Variants in ASB2 observed in about 807,000 individuals in gnomAD.
The protein encoded by ASB2 is ankyrin repeat and SOCS box protein 2.
ASB2 carries 58 observed loss-of-function variants against 62.4 expected under a neutral mutation model. The observed-to-expected ratio is 0.93, with a 90% CI of 0.75 to 1.16. The LOEUF (loss-of-function observed/expected upper bound fraction) is 1.16, where lower values mean the gene tolerates loss of function less well. Among genes scored for constraint, ASB2 ranks in the 50% most tolerant of loss-of-function variants. The pLI is 0.00. For synonymous variants in ASB2, 386 were observed against 385.3 expected, an observed-to-expected ratio of 1.00 and a Z score of -0.02; for missense variants, 928 against 887.9, an observed-to-expected ratio of 1.05 and a Z score of -0.57.
intron 6 of ASB2, 127 bp from the exon 7 acceptor site, chr14:93,947,647 C>G: frequency 1.1e-6 from 1 of 902,612 alleles, no homozygotes; most frequent in Non-Finnish European, 1.7e-6. Flanking sequence ...AACAACGACC[C>G]TTAGGAAGGA....
chr14:93,969,605 A>G (rs1322735991), intron 1 of ASB2, among the ~76,000 whole-genome samples: 1 of 152,158 alleles, frequency 6.6e-6, no homozygotes, highest in Non-Finnish European at 1.5e-5. Flanking sequence ...CAGCAGCCTC[A>G]AGGGACACTC....
chr14:93,967,466 C>T (rs988135080), intron 1 of ASB2, among the ~76,000 whole-genome samples: 1 of 152,340 alleles, frequency 6.6e-6, no homozygotes, highest in Middle Eastern at 3.4e-3. Context: ...CATCCTGGTG[C>T]CACCATCTAA....
intron 3 of ASB2, among the ~76,000 whole-genome samples, chr14:93,955,966 C>T (rs780441390): frequency 2.6e-5 from 4 of 152,172 alleles, no homozygotes; most frequent in African/African-American, 9.7e-5. Context: ...GTCAACCACT[C>T]CACACACCCA....
At chr14:93,949,525 A>G (rs1259959143) in intron 6 of ASB2, among the ~76,000 whole-genome samples, 1 of 152,162 alleles carries the variant, frequency 6.6e-6, no homozygotes, top group East Asian at 1.9e-4. Flanking sequence ...GTTGCTCAGG[A>G]TGGAAGGAGC....
At chr14:93,959,548 G>T (rs1889337604) in intron 2 of ASB2, among the ~76,000 whole-genome samples, 1 of 152,228 alleles carries the variant, frequency 6.6e-6, no homozygotes, top group Admixed American at 6.5e-5. Flanking sequence ...AACCTCCTGG[G>T]CTGAGTCATC....
At chr14:93,950,912 A>C in intron 6 of ASB2, 87 bp downstream of exon 6, 1 of 1,456,380 alleles carries the variant, frequency 6.9e-7, no homozygotes, top group African/African-American at 1.4e-5. Context: ...GATGACCCCT[A>C]ACTCGCCTTC....
In ASB2 at chr14:93,937,622, T is replaced by TCC. The variant is rs959115391; in HGVS notation, c.1771+75_1771+76insGG. Reference sequence around the variant, plus strand: ...CAGGTGCTCACAGGGTTAGGAACAGTCGCACTCCCTGAGGCCTGGGACTCT... The same window carrying TCC: ...CAGGTGCTCACAGGGTTAGGAACAGTCCCGCACTCCCTGAGGCCTGGGACTCT... On this transcript the variant is annotated intron_variant, in intron 9 of 9. Coordinates refer to ENST00000555019, the MANE Select transcript of ASB2 (RefSeq NM_001202429.2). The TCC allele has an allele frequency of 1.5e-5, 22 of 1,463,470 alleles. No homozygotes were observed. In the African/African-American group the frequency reaches 3.1e-4, roughly 20 times the overall value. 90.7% of individuals were successfully genotyped at this position (1,463,470 alleles called of 1,614,324 possible).
rs1321595360 is a variant in ASB2, at chr14:93,939,372, G to A, written c.1353C>T (p.His451=). Residue 451 remains histidine (H), a synonymous_variant, in exon 8 of 10, where the codon CAC becomes CAT. Transcript: ENST00000555019. ...VISPLLVAIR[H]GCLRTMQLLL... ...GCAGCTGCATTGTGCGCAGGCAGCC[G>A]TGGCGGATGGCCACGAGCAAGGGGC... 6.2e-7 allele frequency: 1 copy of A among 1,612,692 alleles called. No homozygotes were observed. The highest frequency in any genetic ancestry group is 8.5e-7 in the Non-Finnish European group (1 of 1,179,828).
intron 9 of ASB2, 137 bp downstream of exon 9, chr14:93,937,561 T>C: frequency 1.2e-6 from 1 of 857,372 alleles, no homozygotes; most frequent in Non-Finnish European, 1.7e-6. Context: ...AGATTCCTCA[T>C]GTTTCATCCA....
At chr14:93,958,156 G>A (rs1008933082) in intron 2 of ASB2, among the ~76,000 whole-genome samples, 6 of 152,172 alleles carry the variant, frequency 3.9e-5, no homozygotes, top group African/African-American at 1.2e-4. Flanking sequence ...CCTCATCCTC[G>A]CCGCTGTCAC....
rs1276424509 is a variant in ASB2 at position 93,967,603 on chromosome 14, G to T, written c.-73-2991C>A. 4.6e-5 allele frequency among the ~76,000 whole-genome samples: 7 copies of T among 152,190 alleles called. No individual in the cohort carries two copies. In the East Asian group the frequency reaches 1.2e-3, roughly 25 times the overall value. On this transcript the variant is annotated intron_variant, in intron 1 of 9. Coordinates refer to ENST00000555019, the MANE Select transcript of ASB2 (RefSeq NM_001202429.2). ...TCAGCTAAGTCCCTGTCCTACTCTG[G>T]GCCTCAGTTTCCTCATTGCAAAAGG...
chr14:93,961,868 G>A (rs1299545724), intron 2 of ASB2, among the ~76,000 whole-genome samples: 3 of 152,186 alleles, frequency 2.0e-5, no homozygotes, highest in African/African-American at 7.2e-5. Context: ...TGGGGTAGGG[G>A]AAGGAAACAG....
At chr14:93,950,166 G>C (rs889386358) in intron 6 of ASB2, among the ~76,000 whole-genome samples, 4 of 152,196 alleles carry the variant, frequency 2.6e-5, no homozygotes. Flanking sequence ...GCCCCGATCT[G>C]TGTTCACACT....
intron 6 of ASB2, 113 bp from the exon 7 acceptor site, chr14:93,947,633 C>A: frequency 9.6e-7 from 1 of 1,041,098 alleles, no homozygotes. Context: ...TGCACGGGAC[C>A]TTTAACAACG....
Position 93,939,642 on chromosome 14 carries a change from G to C in ASB2, c.1083C>G (p.Ser361Arg). 6.6e-7 allele frequency: 1 copy of C among 1,516,084 alleles called. No homozygotes were observed. The highest frequency in any genetic ancestry group is 1.2e-5 in the South Asian group (1 of 80,872). The allele number at this position is 1,516,084 out of a possible 1,614,324, so 93.9% of individuals were successfully genotyped here. The stretch of plus-strand genomic sequence containing the variant: ...CGCCGCTACGGCGTATGCGCGTGCG[G>C]CTGGTCACCGGCAGCAGCATCTGCA... ...RIVQMLLPVTSRTRIRRSGVS... is the reference protein window; with the variant it reads ...RIVQMLLPVTRRTRIRRSGVS... The change falls in exon 8 of 10, where the codon AGC (serine) becomes AGG (arginine). Residue 361 changes from serine to arginine, a missense_variant. Transcript: ENST00000555019.
chr14:93,961,907 T>C (rs990273384), intron 2 of ASB2, among the ~76,000 whole-genome samples: 1 of 152,144 alleles, frequency 6.6e-6, no homozygotes, highest in African/African-American at 2.4e-5. Flanking sequence ...CAGAGCCTGG[T>C]GAAGTGTCTG....
intron 1 of ASB2, among the ~76,000 whole-genome samples, chr14:93,967,983 A>G (rs1186696840): frequency 6.6e-6 from 1 of 152,168 alleles, no homozygotes; most frequent in Non-Finnish European, 1.5e-5. Flanking sequence ...AGCATATGTG[A>G]GCTAAGATGT....
In ASB2 at chr14:93,953,432, A is replaced by G. The variant is rs1435715357; in HGVS notation, c.554T>C (p.Leu185Pro). Residue 185 changes from leucine to proline, a missense_variant, in exon 5 of 10, where the codon CTG (leucine) becomes CCG (proline). Leu to Pro is a moderately conservative substitution (Grantham distance 98, BLOSUM62 -3). Coordinates refer to ENST00000555019, the MANE Select transcript of ASB2 (RefSeq NM_001202429.2). Reference sequence around the variant, plus strand: ...TTGGAGCAGTGACAGGAGACAGTCCAGGTGGCCCCTGCACGTTGCCAAGTA... The same window carrying G: ...TTGGAGCAGTGACAGGAGACAGTCCGGGTGGCCCCTGCACGTTGCCAAGTA... ...AVYLATCRGH[L>P]DCLLSLLQAG... 3 of 1,609,706 alleles carry G rather than the reference A, an allele frequency of 1.9e-6. No homozygotes were observed. Among genetic ancestry groups the G allele is most frequent in the Non-Finnish European group, 2.5e-6 (3 of 1,176,584 alleles).
rs760967546 is a variant in ASB2 at position 93,939,180 on chromosome 14, G to A, written c.1545C>T (p.His515=). 6.3e-7 allele frequency: 1 copy of A among 1,586,844 alleles called. No homozygotes were observed. The highest frequency in any genetic ancestry group is 1.1e-5 in the South Asian group (1 of 90,268). Residue 515 remains histidine, a synonymous_variant, in exon 8 of 10, where the codon CAC becomes CAT. Transcript: ENST00000555019. The stretch of plus-strand genomic sequence containing the variant: ...TGCTGGAGGGCTGCGGGGCCGGCGG[G>A]TGCGGGCCGTTGCCGTAGAGGCATG... ...CFSCLYGNGP[H]PPAPQPSSRF... is the part of the protein sequence containing the mutation.
Sources: allele counts gnomAD v4.1 joint callset (sites outside exome capture counted in the v4.1 genomes callset), GRCh38; gene constraint gnomAD v4.1.1; transcripts MANE v1.5; gene names NCBI Gene and HGNC (gene_info 2026-07-23, HGNC 2026-07-21).